KIAA0825: variants seen among roughly 807,000 people sequenced by gnomAD.
KIAA0825 encodes the protein KIAA0825.
A neutral mutation model predicts 147.6 loss-of-function variants in KIAA0825; 119 were observed. That is an observed-to-expected ratio of 0.81 (90% confidence interval 0.69 to 0.94). KIAA0825 has a LOEUF of 0.94. KIAA0825 is among the 40% of genes least tolerant of loss of function. KIAA0825 has a pLI of 0.00. For missense variants in KIAA0825, 1,381 were observed against 1,472.7 expected, an observed-to-expected ratio of 0.94 and a Z score of 1.02; for synonymous variants, 470 against 518.1, an observed-to-expected ratio of 0.91 and a Z score of 1.26.
At chr5:94,169,873 A>G (rs1768438594) in intron 20 of KIAA0825, among the ~76,000 whole-genome samples, 1 of 152,126 alleles carries the variant, frequency 6.6e-6, no homozygotes, top group South Asian at 2.1e-4. Flanking sequence ...TCACAATTTT[A>G]TGAGATGGGT....
chr5:94,182,247 C>CTTGTTTTTTTT (rs1769697500), intron 20 of KIAA0825, among the ~76,000 whole-genome samples: 1 of 14,772 alleles, frequency 6.8e-5, no homozygotes, highest in Admixed American at 9.9e-4. Flanking sequence ...TAAAATGTCC[C>CTTGTTTTTTTT]TTCTTTTTTT....
chr5:94,349,225 C>T (rs1301227287), intron 20 of KIAA0825, among the ~76,000 whole-genome samples: 1 of 152,186 alleles, frequency 6.6e-6, no homozygotes, highest in Non-Finnish European at 1.5e-5. Flanking sequence ...GGTAAAAGGC[C>T]TTGTCCAACA....
chr5:94,387,592 G>A (rs1338783657), intron 18 of KIAA0825, among the ~76,000 whole-genome samples: 1 of 152,082 alleles, frequency 6.6e-6, no homozygotes. Context: ...CTACTTAGGA[G>A]GCTGAGGCAG....
At chr5:94,247,063 G>C (rs1273466815) in intron 20 of KIAA0825, among the ~76,000 whole-genome samples, 1 of 152,108 alleles carries the variant, frequency 6.6e-6, no homozygotes, top group East Asian at 1.9e-4. Context: ...CATTCTTGAG[G>C]TAGAAAATGG....
chr5:94,356,039 A>G (rs1166882425), intron 20 of KIAA0825, among the ~76,000 whole-genome samples: 1 of 152,204 alleles, frequency 6.6e-6, no homozygotes, highest in Non-Finnish European at 1.5e-5. Flanking sequence ...GTGGGGCCCA[A>G]GATTCTGCCT....
intron 20 of KIAA0825, among the ~76,000 whole-genome samples, chr5:94,203,979 G>A (rs61132622): frequency 0.11 from 16,368 of 152,080 alleles, 977 homozygotes; most frequent in Middle Eastern, 0.14. Context: ...ATCCCACAAC[G>A]TGACAGTATA....
intron 5 of KIAA0825, among the ~76,000 whole-genome samples, chr5:94,497,036 A>C (rs1270695927): frequency 6.6e-6 from 1 of 152,174 alleles, no homozygotes; most frequent in African/African-American, 2.4e-5. Context: ...TTGCCACGGC[A>C]TTAATTAACA....
intron 20 of KIAA0825, among the ~76,000 whole-genome samples, chr5:94,205,908 T>G (rs530917340): frequency 6.6e-6 from 1 of 151,864 alleles, no homozygotes; most frequent in Admixed American, 6.6e-5. Context: ...TGTATTAAGG[T>G]TTTTTTTCCG....
At chr5:94,511,156 C>T (rs1461452122) in intron 5 of KIAA0825, among the ~76,000 whole-genome samples, 1 of 152,134 alleles carries the variant, frequency 6.6e-6, no homozygotes, top group Non-Finnish European at 1.5e-5. Flanking sequence ...AAAGGTAAGC[C>T]TTCACCAGAC....
chr5:94,546,246 T>C (rs1321767300), intron 2 of KIAA0825, among the ~76,000 whole-genome samples: 2 of 152,172 alleles, frequency 1.3e-5, no homozygotes, highest in Non-Finnish European at 2.9e-5. Context: ...CTCCAATCCC[T>C]GGCTCCAAGA....
intron 2 of KIAA0825, among the ~76,000 whole-genome samples, chr5:94,549,148 G>A (rs773691219): frequency 1.3e-5 from 2 of 151,892 alleles, no homozygotes; most frequent in Admixed American, 6.6e-5. Context: ...AGTGTATTTC[G>A]CTCCTCAGCA....
intron 6 of KIAA0825, 49 bp from the exon 7 acceptor site, chr5:94,477,254 A>G: frequency 2.5e-6 from 3 of 1,196,694 alleles, no homozygotes; most frequent in Non-Finnish European, 3.6e-6. Context: ...TTGTTTAAAA[A>G]GCATACTAGA....
chr5:94,458,213 T>C (rs1759367716), intron 12 of KIAA0825, among the ~76,000 whole-genome samples: 1 of 152,214 alleles, frequency 6.6e-6, no homozygotes, highest in African/African-American at 2.4e-5. Flanking sequence ...TGTCATTAAG[T>C]AACTTTTAAG....
intron 3 of KIAA0825, among the ~76,000 whole-genome samples, chr5:94,536,181 G>A (rs1313476221): frequency 6.6e-6 from 1 of 152,068 alleles, no homozygotes; most frequent in Non-Finnish European, 1.5e-5. Context: ...TATGCCCATT[G>A]TTATAATAAA....
At chr5:94,599,433 A>G (rs1476712186) in intron 1 of KIAA0825, among the ~76,000 whole-genome samples, 1 of 151,396 alleles carries the variant, frequency 6.6e-6, no homozygotes, top group African/African-American at 2.4e-5. Flanking sequence ...GTCTTCTCAA[A>G]AAATGTTGCT....
chr5:94,563,587 TATAACA>T (rs1199167239), intron 2 of KIAA0825, among the ~76,000 whole-genome samples: 4 of 152,236 alleles, frequency 2.6e-5, no homozygotes, highest in Admixed American at 1.3e-4. Flanking sequence ...AGTGTAAAAC[TATAACA>T]ATGACAATTG....
At chr5:94,232,726 C>T (rs1421398856) in intron 20 of KIAA0825, among the ~76,000 whole-genome samples, 1 of 151,560 alleles carries the variant, frequency 6.6e-6, no homozygotes, top group Non-Finnish European at 1.5e-5. Context: ...AAATGAAGCT[C>T]ATTTTTTTCA....
intron 2 of KIAA0825, among the ~76,000 whole-genome samples, chr5:94,561,003 G>GC (rs1777461504): frequency 1.3e-5 from 2 of 152,080 alleles, no homozygotes; most frequent in Admixed American, 1.3e-4. Flanking sequence ...ACTCTGGAGG[G>GC]CCCCTAGAGA....
intron 2 of KIAA0825, among the ~76,000 whole-genome samples, chr5:94,556,527 T>C (rs776628013): frequency 1.4e-4 from 22 of 152,256 alleles, no homozygotes; most frequent in Non-Finnish European, 2.9e-4. Flanking sequence ...TCTCCTAAAA[T>C]GTTAATAGTA....
Sources: allele counts gnomAD v4.1 joint callset (sites outside exome capture counted in the v4.1 genomes callset), GRCh38; gene constraint gnomAD v4.1.1; transcripts MANE v1.5; gene names NCBI Gene and HGNC (gene_info 2026-07-23, HGNC 2026-07-21).